The following PRSS55 variants were observed in gnomAD, a reference collection of about 807,000 sequenced individuals.
PRSS55 encodes probable serine protease UNQ9391/PRO34284.
Under a neutral mutation model 23.6 loss-of-function variants are expected in PRSS55, and 41 were observed. That is an observed-to-expected ratio of 1.74 (90% CI 1.35 to 2.26). The LOEUF (loss-of-function observed/expected upper bound fraction) is 2.26, where lower values mean the gene tolerates loss of function less well. Ranked by LOEUF, PRSS55 falls within the 30% of genes most tolerant of loss-of-function variation. PRSS55 has a pLI of 0.00. For synonymous variants in PRSS55, 262 were observed against 175.5 expected (o/e 1.49, Z -3.90); for missense variants, 669 against 439.1 (o/e 1.52, Z -4.68).
exon 5 of PRSS55, chr8:10,554,156 C>T: frequency 1.8e-6 from 1 of 568,958 alleles, no homozygotes; most frequent in East Asian, 3.0e-5. Context: ...TGAATAAAAG[C>T]CTCCCCATTT....
At chr8:10,553,851 C>A (rs1055658206) in intron 4 of PRSS55, 37 of 779,030 alleles carry the variant, frequency 4.7e-5, no homozygotes, top group Non-Finnish European at 5.9e-5. Context: ...TTGGAGTAAC[C>A]ATTTCACAAT....
chr8:10,528,022 G>C (rs945302543), intron 1 of PRSS55, among the ~76,000 whole-genome samples: 11 of 152,112 alleles, frequency 7.2e-5, no homozygotes, highest in Admixed American at 5.2e-4. Context: ...AGACCAGCCT[G>C]ACCAACATAC....
chr8:10,549,185 G>A (rs912357557), intron 4 of PRSS55, among the ~76,000 whole-genome samples: 7 of 152,312 alleles, frequency 4.6e-5, no homozygotes, highest in South Asian at 2.1e-4. Context: ...GGATGGAGGC[G>A]GGGGCAGATG....
chr8:10,532,192 C>T (rs1004546898), intron 3 of PRSS55, among the ~76,000 whole-genome samples: 1 of 152,084 alleles, frequency 6.6e-6, no homozygotes, highest in Admixed American at 6.6e-5. Context: ...CCTGGACAAC[C>T]GTGGGTGTTT....
rs1370109483 is a variant in PRSS55, at chr8:10,550,663, C to T, written c.742-3280C>T. 2.0e-5 allele frequency among the ~76,000 whole-genome samples: 3 copies of T among 152,202 alleles called. No individual in the cohort carries two copies. In the South Asian group the frequency reaches 6.2e-4, roughly 32 times the overall value. ...AGCCTTCCTCTCTCCTGCCTGCCTG[C>T]CCCGAGACAATGCTTGATGATAACT... On this transcript the variant is annotated intron_variant, in intron 4 of 4. Transcript: ENST00000522210.
intron 4 of PRSS55, among the ~76,000 whole-genome samples, chr8:10,552,534 G>C (rs1050872110): frequency 2.6e-5 from 4 of 152,130 alleles, no homozygotes; most frequent in Non-Finnish European, 4.4e-5. Flanking sequence ...ATCTTTTAAG[G>C]GGTTAATCCC....
Position 10,529,586 on chromosome 8 carries a change from G to C in PRSS55, c.234G>C (p.Glu78Asp), listed in dbSNP as rs771245027. Residue 78 changes from glutamate to aspartate, a missense_variant, in exon 2 of 5, where the codon GAG becomes GAC. By Grantham distance (45) the Glu-to-Asp change is conservative. Transcript: ENST00000328655. ...GGGGGATGGAGGCGGAGGTGGGTGAGTTTCCGTGGCAGGTGAGTATTCAGG... is the reference window on the plus strand; with the variant it reads ...GGGGGATGGAGGCGGAGGTGGGTGACTTTCCGTGGCAGGTGAGTATTCAGG... ...ITGGMEAEVG[E>D]FPWQVSIQAR... is the part of the protein sequence containing the mutation. 6.2e-7 allele frequency: 1 copy of C among 1,614,186 alleles called. No individual in the cohort carries two copies. The highest frequency in any genetic ancestry group is 8.5e-7 in the Non-Finnish European group (1 of 1,180,016).
rs749024116 is a variant in PRSS55, at chr8:10,531,350, G to C, written c.403G>C (p.Glu135Gln). Residue 135 changes from glutamate (E) to glutamine (Q), a missense_variant, in exon 3 of 5, where the codon GAA (glutamate) becomes CAA (glutamine). Coordinates refer to ENST00000328655, the MANE Select transcript of PRSS55 (RefSeq NM_198464.4). ...CAACGACTTAACTAGCCCATCCATG[G>C]AAATAAAGGAGGTCGCCAGCATCAT... ...GTNDLTSPSM[E>Q]IKEVASIILH... 8 of 1,614,048 alleles carry C rather than the reference G, an allele frequency of 5.0e-6. 1 individual carries two copies. Among genetic ancestry groups the C allele is most frequent in the Middle Eastern group, 3.3e-4 (2 of 6,084 alleles).
intron 3 of PRSS55, among the ~76,000 whole-genome samples, chr8:10,531,916 A>T (rs1325278858): frequency 6.6e-6 from 1 of 152,230 alleles, no homozygotes; most frequent in Non-Finnish European, 1.5e-5. Flanking sequence ...ACCCTGGGCT[A>T]GGCTCTGACG....
In PRSS55 at chr8:10,533,059, G is replaced by A. The variant is rs1014517179; in HGVS notation, c.741+11G>A. On this transcript the variant is annotated intron_variant, in intron 4 of 4. Transcript: ENST00000328655. ...TATGATGCCTGCAAGGTAACTAGGG[G>A]GTACCCTCCCTCACCTTATAGGTCC... 3.1e-6 allele frequency: 5 copies of A among 1,614,034 alleles called. No homozygotes were observed. In the Middle Eastern group the frequency reaches 4.9e-4, roughly 160 times the overall value.
chr8:10,550,666 C>T (rs901577119), intron 4 of PRSS55, among the ~76,000 whole-genome samples: 9 of 152,150 alleles, frequency 5.9e-5, no homozygotes, highest in South Asian at 2.1e-4. Flanking sequence ...CTGCCTGCCC[C>T]GAGACAATGC....
At chr8:10,548,016 G>T (rs1302490483) in intron 4 of PRSS55, among the ~76,000 whole-genome samples, 3 of 152,112 alleles carry the variant, frequency 2.0e-5, no homozygotes, top group Non-Finnish European at 4.4e-5. Context: ...CACAGGGAAG[G>T]CCCGGATGAG....
chr8:10,535,838 A>G (rs1812434919), intron 4 of PRSS55, among the ~76,000 whole-genome samples: 1 of 152,220 alleles, frequency 6.6e-6, no homozygotes, highest in South Asian at 2.1e-4. Context: ...AATATTCACA[A>G]TTTATAAGGA....
At chr8:10,549,978 G>A (rs1812915496) in intron 4 of PRSS55, among the ~76,000 whole-genome samples, 1 of 152,156 alleles carries the variant, frequency 6.6e-6, no homozygotes, top group South Asian at 2.1e-4. Context: ...GGAGTGCCGT[G>A]CTGTGATCTC....
In PRSS55 at chr8:10,538,643, C is replaced by G; in HGVS notation, c.909C>G (p.Gly303=). The change falls in exon 5 of 5, where the codon GGC becomes GGG. Residue 303 remains glycine, a synonymous_variant. Transcript: ENST00000328655. Reference sequence around the variant, plus strand: ...TCGAGAAAGTGACCCAGCTAGAGGGCAGGCCCTTCAATGCAGAGAAAAGGA... The same window carrying G: ...TCGAGAAAGTGACCCAGCTAGAGGGGAGGCCCTTCAATGCAGAGAAAAGGA... ...LWIEKVTQLE[G]RPFNAEKRRT... 6.2e-7 allele frequency: 1 copy of G among 1,614,162 alleles called. No homozygotes were observed. Among genetic ancestry groups the G allele is most frequent in the Non-Finnish European group, 8.5e-7 (1 of 1,180,010 alleles).
chr8:10,551,498 A>AGGT (rs1812950031), intron 4 of PRSS55, among the ~76,000 whole-genome samples: 1 of 152,192 alleles, frequency 6.6e-6, no homozygotes, highest in Non-Finnish European at 1.5e-5. Flanking sequence ...CGTGCAGCAC[A>AGGT]GGTGGAGGCA....
At chr8:10,530,278 T>C (rs918030043) in intron 2 of PRSS55, among the ~76,000 whole-genome samples, 7 of 152,142 alleles carry the variant, frequency 4.6e-5, no homozygotes, top group African/African-American at 1.7e-4. Context: ...AGTTCGAGAC[T>C]GGCCTGGCCA....
At chr8:10,526,876 A>T (rs1339992196) in intron 1 of PRSS55, among the ~76,000 whole-genome samples, 1 of 152,192 alleles carries the variant, frequency 6.6e-6, no homozygotes. Flanking sequence ...TGGGTACCCA[A>T]CGATAAGTAG....
chr8:10,529,487 A>T lies in PRSS55; in HGVS notation c.155-20A>T. 1 of 1,612,022 alleles carries T rather than the reference A, an allele frequency of 6.2e-7. No homozygotes were observed. The highest frequency in any genetic ancestry group is 1.3e-5 in the African/African-American group (1 of 74,684). The stretch of plus-strand genomic sequence containing the variant: ...CTAAGTGTTTCCCCTTTTCCTTTCC[A>T]CTCTCTTTCTTTCCACCAGAATGTG... On this transcript the variant is annotated intron_variant, in intron 1 of 4. Transcript: ENST00000328655.
Sources: gnomAD v4.1 joint callset for allele counts (sites outside exome capture counted in the v4.1 genomes callset) on GRCh38, gnomAD v4.1.1 for gene constraint, MANE v1.5 for transcripts, NCBI Gene and HGNC (gene_info 2026-07-23, HGNC 2026-07-21) for gene names.